The following SRRM4 variants were observed in gnomAD, a reference collection of about 807,000 sequenced individuals.
SRRM4 encodes the protein serine/arginine repetitive matrix protein 4.
A neutral mutation model predicts 68.9 loss-of-function variants in SRRM4; 33 were observed. That is an observed-to-expected ratio of 0.48 (90% confidence interval 0.36 to 0.64). The LOEUF is 0.64. Ranked by LOEUF, SRRM4 falls within the 30% of genes least tolerant of loss-of-function variation. SRRM4 has a pLI of 0.00. For missense variants in SRRM4, 817 were observed against 827.1 expected (o/e 0.99, Z 0.15); for synonymous variants, 318 against 318.8 (o/e 1.00, Z 0.03).
intron 8 of SRRM4, among the ~76,000 whole-genome samples, chr12:119,139,720 T>A (rs1205293713): frequency 1.3e-5 from 2 of 152,154 alleles, no homozygotes; most frequent in Non-Finnish European, 2.9e-5. Context: ...GGAGAGCAAC[T>A]GGCAGATCAA....
At chr12:119,067,524 T>A (rs1404871909) in intron 1 of SRRM4, among the ~76,000 whole-genome samples, 1 of 152,114 alleles carries the variant, frequency 6.6e-6, no homozygotes, top group South Asian at 2.1e-4. Context: ...CTGGCCAACA[T>A]GGTGAAACCC....
In SRRM4 at chr12:119,145,658, C is replaced by A. The variant is rs754005568; in HGVS notation, c.1049C>A (p.Ser350Tyr). 3 of 1,524,786 alleles carry A rather than the reference C, an allele frequency of 2.0e-6. No individual in the cohort carries two copies. The highest frequency in any genetic ancestry group is 2.6e-6 in the Non-Finnish European group (3 of 1,137,038). 94.5% of individuals were successfully genotyped at this position (1,524,786 alleles called of 1,614,324 possible). ...AAGGGGGCCATGTTGGAGAATCTCT[C>A]CCCCACCAGCAGGGGCAGAGAGTCA... ...QNKGAMLENLSPTSRGRESRG... is the reference protein window; with the variant it reads ...QNKGAMLENLYPTSRGRESRG... Residue 350 changes from serine (S) to tyrosine (Y), a missense_variant, in exon 9 of 13, where the codon TCC becomes TAC. Physicochemically the swap from Ser to Tyr is moderately radical, Grantham distance 144. Transcript: ENST00000267260.
intron 2 of SRRM4, among the ~76,000 whole-genome samples, chr12:119,112,713 A>C (rs368596776): frequency 6.6e-6 from 1 of 152,182 alleles, no homozygotes; most frequent in Non-Finnish European, 1.5e-5. Flanking sequence ...CAGAAAACCA[A>C]ATACTGCATG....
At chr12:119,092,814 C>G (rs1436471604) in intron 1 of SRRM4, among the ~76,000 whole-genome samples, 1 of 152,090 alleles carries the variant, frequency 6.6e-6, no homozygotes, top group African/African-American at 2.4e-5. Flanking sequence ...AATGGCATCT[C>G]ATCTCACCGA....
intron 1 of SRRM4, among the ~76,000 whole-genome samples, chr12:119,021,321 G>A (rs1953514599): frequency 6.6e-6 from 1 of 152,218 alleles, no homozygotes; most frequent in South Asian, 2.1e-4. Context: ...GATGAAACCT[G>A]TAGTTCAAGG....
chr12:119,014,114 C>A (rs1335330049), intron 1 of SRRM4, among the ~76,000 whole-genome samples: 1 of 152,060 alleles, frequency 6.6e-6, no homozygotes, highest in Non-Finnish European at 1.5e-5. Context: ...ATGAGTGAGG[C>A]CACACGTCTT....
chr12:119,140,780 G>A (rs557541197), intron 8 of SRRM4, among the ~76,000 whole-genome samples: 8 of 152,308 alleles, frequency 5.3e-5, no homozygotes, highest in Non-Finnish European at 1.0e-4. Context: ...AGAGCCTCTG[G>A]GTGCTTTCTC....
intron 7 of SRRM4, among the ~76,000 whole-genome samples, chr12:119,130,080 G>C (rs964465276): frequency 2.6e-5 from 4 of 151,722 alleles, no homozygotes; most frequent in Non-Finnish European, 5.9e-5. Flanking sequence ...TGGATGGTTG[G>C]ATGATTGGAT....
chr12:119,128,489 C>G (rs1387942517), intron 7 of SRRM4, among the ~76,000 whole-genome samples: 1 of 152,194 alleles, frequency 6.6e-6, no homozygotes, highest in East Asian at 1.9e-4. Context: ...TTTAACACCC[C>G]CTTACAGAGA....
chr12:119,007,928 T>G (rs746505488), intron 1 of SRRM4, among the ~76,000 whole-genome samples: 22 of 152,092 alleles, frequency 1.4e-4, no homozygotes, highest in Non-Finnish European at 2.2e-4. Context: ...CCTTCTCCAG[T>G]GGGGAGGCCT....
chr12:119,043,682 A>G (rs1200017741), intron 1 of SRRM4, among the ~76,000 whole-genome samples: 5 of 152,054 alleles, frequency 3.3e-5, no homozygotes, highest in Admixed American at 1.3e-4. Context: ...AAACAAAGAA[A>G]GGACAAAGAA....
intron 6 of SRRM4, among the ~76,000 whole-genome samples, chr12:119,123,334 C>A (rs1954235026): frequency 6.6e-6 from 1 of 152,144 alleles, no homozygotes; most frequent in East Asian, 1.9e-4. Context: ...CGAATTTGTT[C>A]CGCTCAAGTC....
intron 2 of SRRM4, among the ~76,000 whole-genome samples, chr12:119,112,054 G>T (rs4767781): frequency 7.2e-6 from 1 of 139,638 alleles, no homozygotes; most frequent in Non-Finnish European, 1.6e-5. Flanking sequence ...TCAAAAAAAA[G>T]AAAAAAAAAA....
intron 4 of SRRM4, among the ~76,000 whole-genome samples, chr12:119,119,809 A>T (rs995812899): frequency 1.3e-5 from 2 of 151,990 alleles, no homozygotes; most frequent in African/African-American, 4.8e-5. Flanking sequence ...GATGAGATGG[A>T]GAATGGAGGA....
intron 1 of SRRM4, among the ~76,000 whole-genome samples, chr12:119,029,022 G>A (rs1009949732): frequency 2.6e-5 from 4 of 152,166 alleles, no homozygotes; most frequent in African/African-American, 4.8e-5. Flanking sequence ...AAGGGACAAC[G>A]AAGAAGGCCA....
At chr12:119,078,754 T>C (rs1161020151) in intron 1 of SRRM4, among the ~76,000 whole-genome samples, 1 of 151,910 alleles carries the variant, frequency 6.6e-6, no homozygotes, top group Non-Finnish European at 1.5e-5. Context: ...ACCCCGTCTC[T>C]ACAAAAAAAA....
intron 1 of SRRM4, among the ~76,000 whole-genome samples, chr12:119,049,633 G>T (rs1384348751): frequency 1.3e-5 from 2 of 152,164 alleles, no homozygotes; most frequent in Non-Finnish European, 2.9e-5. Context: ...GATCAGTAGT[G>T]TATCAGTTTT....
intron 1 of SRRM4, among the ~76,000 whole-genome samples, chr12:119,054,732 T>G (rs1339149788): frequency 6.6e-6 from 1 of 152,232 alleles, no homozygotes; most frequent in Non-Finnish European, 1.5e-5. Flanking sequence ...AGCAATGTCA[T>G]CCCTGTATTC....
At chr12:119,054,156 G>A (rs1266623820) in intron 1 of SRRM4, among the ~76,000 whole-genome samples, 1 of 152,008 alleles carries the variant, frequency 6.6e-6, no homozygotes, top group East Asian at 1.9e-4. Context: ...TCTGTGCCTG[G>A]CTTATTTCAC....
Sources: gnomAD v4.1 joint callset for allele counts (sites outside exome capture counted in the v4.1 genomes callset) on GRCh38, gnomAD v4.1.1 for gene constraint, MANE v1.5 for transcripts, NCBI Gene and HGNC (gene_info 2026-07-23, HGNC 2026-07-21) for gene names.